The following DAB1 variants were observed in gnomAD, a reference collection of about 807,000 sequenced individuals.
DAB1 encodes the protein DAB adaptor protein 1.
DAB1 carries 15 observed loss-of-function variants against 64.6 expected under a neutral mutation model. That is an observed-to-expected ratio of 0.23 (90% CI 0.16 to 0.36). The LOEUF is 0.36. Ranked by LOEUF, DAB1 falls within the 10% of genes least tolerant of loss-of-function variation. The pLI, the probability that DAB1 is intolerant of heterozygous loss-of-function variation, is 1.00. For synonymous variants in DAB1, 235 were observed against 251.9 expected (o/e 0.93, Z 0.64); for missense variants, 596 against 706.7 (o/e 0.84, Z 1.78).
chr1:57,525,310 T>A (rs1028227174), intron 7 of DAB1, among the ~76,000 whole-genome samples: 132 of 152,024 alleles, frequency 8.7e-4, no homozygotes, highest in African/African-American at 3.2e-3. Flanking sequence ...AGGAGTGAGA[T>A]CATCAGAAAC....
intron 4 of DAB1, among the ~76,000 whole-genome samples, chr1:58,342,744 A>G (rs989183790): frequency 6.6e-6 from 1 of 152,106 alleles, no homozygotes; most frequent in Non-Finnish European, 1.5e-5. Flanking sequence ...ATCCCTTTCC[A>G]TCAAAACATA....
intron 2 of DAB1, among the ~76,000 whole-genome samples, chr1:57,247,493 C>T (rs1361702635): frequency 1.3e-5 from 2 of 152,172 alleles, no homozygotes; most frequent in Admixed American, 6.5e-5. Flanking sequence ...TCATAAATCA[C>T]CCACTCTCAT....
At chr1:57,041,318 T>C (rs1438765116) in intron 9 of DAB1, among the ~76,000 whole-genome samples, 3 of 152,216 alleles carry the variant, frequency 2.0e-5, no homozygotes, top group Admixed American at 6.5e-5. Context: ...CCAGACACTA[T>C]GCCTATCCTG....
chr1:57,681,540 A>G (rs1646636634), intron 6 of DAB1, among the ~76,000 whole-genome samples: 1 of 152,174 alleles, frequency 6.6e-6, no homozygotes, highest in Non-Finnish European at 1.5e-5. Context: ...AAATAAGGAA[A>G]TAAATAAAAT....
intron 5 of DAB1, among the ~76,000 whole-genome samples, chr1:58,131,521 G>A (rs1028314054): frequency 4.8e-5 from 7 of 145,062 alleles, no homozygotes; most frequent in African/African-American, 1.8e-4. Context: ...TCCTTTGGAG[G>A]AGGAGAGGCG....
intron 7 of DAB1, among the ~76,000 whole-genome samples, chr1:57,432,330 G>C (rs1437838963): frequency 1.3e-5 from 2 of 151,766 alleles, no homozygotes; most frequent in Non-Finnish European, 2.9e-5. Context: ...CCTCTACCTG[G>C]TAATTTTTTT....
intron 7 of DAB1, among the ~76,000 whole-genome samples, chr1:57,444,981 C>T (rs752416191): frequency 5.3e-5 from 8 of 151,992 alleles, no homozygotes; most frequent in African/African-American, 1.7e-4. Context: ...GAGTGTTCAT[C>T]GACGAAAAGT....
At chr1:57,584,229 C>T (rs1645351008) in intron 7 of DAB1, among the ~76,000 whole-genome samples, 1 of 151,990 alleles carries the variant, frequency 6.6e-6, no homozygotes, top group African/African-American at 2.4e-5. Flanking sequence ...TATCATTTCC[C>T]TTTTTTTTGT....
At chr1:57,627,562 TGTAATGG>T (rs1332064276) in intron 7 of DAB1, among the ~76,000 whole-genome samples, 4 of 152,200 alleles carry the variant, frequency 2.6e-5, no homozygotes, top group African/African-American at 9.6e-5. Context: ...CTAGACAACT[TGTAATGG>T]AAGAAGCAAT....
chr1:57,088,751 T>C (rs1337155760), intron 4 of DAB1, among the ~76,000 whole-genome samples: 1 of 152,238 alleles, frequency 6.6e-6, no homozygotes, highest in African/African-American at 2.4e-5. Context: ...TCAGCTCTTT[T>C]CTCTACTGTC....
At chr1:57,781,278 T>C (rs886766529) in intron 6 of DAB1, among the ~76,000 whole-genome samples, 8 of 151,140 alleles carry the variant, frequency 5.3e-5, no homozygotes, top group Admixed American at 3.3e-4. Flanking sequence ...CTTTCTCCTA[T>C]TGCTGGAAGT....
rs1260235981 is a variant in DAB1, at chr1:58,239,511, C to G, written n.310-88923G>C. Among the ~76,000 whole-genome samples the G allele has an allele frequency of 3.9e-5, 6 of 152,088 alleles. No homozygotes were observed. The East Asian group carries it at 9.6e-4, about 24-fold the overall frequency. ...CTATTTGGCTACAGCAAACCCAATC[C>G]CAGAACCTGTCTGGAGTAAGGAAAA... is the stretch of plus-strand genomic sequence containing the variant. On this transcript the variant is annotated intron_variant and non_coding_transcript_variant, in intron 4 of 20. Transcript: ENST00000485760.
chr1:57,105,988 C>A (rs1425846764), intron 4 of DAB1, among the ~76,000 whole-genome samples: 1 of 152,084 alleles, frequency 6.6e-6, no homozygotes, highest in Non-Finnish European at 1.5e-5. Context: ...TTGGGTGAGG[C>A]CAAGCAGATC....
chr1:57,156,543 G>A (rs1193187355), intron 2 of DAB1, among the ~76,000 whole-genome samples: 3 of 152,184 alleles, frequency 2.0e-5, no homozygotes, highest in Non-Finnish European at 2.9e-5. Flanking sequence ...TTATGCTAAA[G>A]TGGGTAATGG....
At chr1:57,118,234 G>A (rs965611304) in intron 4 of DAB1, among the ~76,000 whole-genome samples, 9 of 152,096 alleles carry the variant, frequency 5.9e-5, no homozygotes, top group African/African-American at 1.9e-4. Flanking sequence ...ATCATCATTC[G>A]AACAGACTCT....
intron 4 of DAB1, among the ~76,000 whole-genome samples, chr1:58,265,648 A>T (rs1661142705): frequency 6.6e-6 from 1 of 152,320 alleles, no homozygotes; most frequent in South Asian, 2.1e-4. Context: ...TCTACTTTAA[A>T]TAACCTAATA....
intron 5 of DAB1, among the ~76,000 whole-genome samples, chr1:58,031,972 G>T (rs560071334): frequency 6.7e-6 from 1 of 150,236 alleles, no homozygotes; most frequent in African/African-American, 2.5e-5. Flanking sequence ...TATCACAGCT[G>T]CAAGTACTGA....
intron 1 of DAB1, among the ~76,000 whole-genome samples, chr1:57,335,113 A>G (rs1676972530): frequency 1.3e-5 from 2 of 152,194 alleles, no homozygotes; most frequent in South Asian, 2.1e-4. Context: ...CTGGGCTAAC[A>G]TCTGTTAAGT....
intron 3 of DAB1, among the ~76,000 whole-genome samples, chr1:58,384,382 T>C (rs1203240171): frequency 1.3e-5 from 2 of 151,950 alleles, no homozygotes; most frequent in Non-Finnish European, 2.9e-5. Context: ...GGATGAGGAG[T>C]TGTTGTTTAA....
Sources: gnomAD v4.1 joint callset for allele counts (sites outside exome capture counted in the v4.1 genomes callset) on GRCh38, gnomAD v4.1.1 for gene constraint, MANE v1.5 for transcripts, NCBI Gene and HGNC (gene_info 2026-07-23, HGNC 2026-07-21) for gene names.